The following TTC28 variants were observed in gnomAD, a reference collection of about 807,000 sequenced individuals.
TTC28 encodes tetratricopeptide repeat protein 28.
A neutral mutation model predicts 198.0 loss-of-function variants in TTC28; 61 were observed. The ratio of observed to expected loss-of-function variants is 0.31; its 90% confidence interval spans 0.25 to 0.38. TTC28 has a LOEUF of 0.38. TTC28 is among the 10% of genes least tolerant of loss of function. The probability of loss-of-function intolerance (pLI) is 1.00; values close to 1 mark genes in which losing one functional copy is unlikely to be tolerated. For missense variants in TTC28, 2,678 were observed against 3,164.0 expected, an observed-to-expected ratio of 0.85 and a Z score of 3.69; for synonymous variants, 1,171 against 1,297.8, an observed-to-expected ratio of 0.90 and a Z score of 2.10.
At chr22:28,279,152 A>G (rs1272224623) in intron 5 of TTC28, among the ~76,000 whole-genome samples, 1 of 152,220 alleles carries the variant, frequency 6.6e-6, no homozygotes, top group Non-Finnish European at 1.5e-5. Flanking sequence ...CCATAGTAAG[A>G]TTCTACAACT....
chr22:28,644,811 A>C (rs1439535899), intron 1 of TTC28, among the ~76,000 whole-genome samples: 1 of 152,150 alleles, frequency 6.6e-6, no homozygotes, highest in African/African-American at 2.4e-5. Flanking sequence ...CAACAAAGTG[A>C]GAACCTGTCT....
chr22:28,519,938 T>C (rs1028085136), intron 2 of TTC28, among the ~76,000 whole-genome samples: 1 of 152,206 alleles, frequency 6.6e-6, no homozygotes, highest in Non-Finnish European at 1.5e-5. Flanking sequence ...ACACAATTTG[T>C]GAGCTTTACA....
intron 2 of TTC28, among the ~76,000 whole-genome samples, chr22:28,340,059 T>C (rs1035957774): frequency 1.1e-4 from 17 of 152,172 alleles, no homozygotes; most frequent in African/African-American, 3.6e-4. Context: ...TTCTAACCTC[T>C]AGTTCAATCA....
rs544203781 is a variant in TTC28 at position 28,347,669 on chromosome 22, C to G, written c.382-41026G>C. ...GGTGGATCACTTGATGTCAGGAGTT[C>G]GAGACCAGCCTGGCCAACATGGTGA... is the stretch of plus-strand genomic sequence containing the variant. On this transcript the variant is annotated intron_variant, in intron 2 of 22. Transcript: ENST00000397906. Among the ~76,000 whole-genome samples the G allele has an allele frequency of 2.0e-5, 3 of 152,180 alleles. No homozygotes were observed. The East Asian group carries it at 5.8e-4, about 30-fold the overall frequency.
chr22:28,161,034 T>C (rs527453881), intron 6 of TTC28, among the ~76,000 whole-genome samples: 47 of 152,152 alleles, frequency 3.1e-4, no homozygotes, highest in Non-Finnish European at 5.0e-4. Context: ...AACTCAGCCA[T>C]GAAGAGATCA....
intron 2 of TTC28, among the ~76,000 whole-genome samples, chr22:28,587,740 C>T (rs537264445): frequency 2.0e-5 from 3 of 152,222 alleles, no homozygotes; most frequent in Admixed American, 1.3e-4. Flanking sequence ...AGCCACCATG[C>T]CTGGCCTCAA....
intron 5 of TTC28, among the ~76,000 whole-genome samples, chr22:28,193,747 T>C (rs1925116358): frequency 6.6e-6 from 1 of 152,276 alleles, no homozygotes; most frequent in Non-Finnish European, 1.5e-5. Flanking sequence ...CTATCCTAAA[T>C]ATATATGCAC....
chr22:28,503,955 A>C (rs1359248935), intron 2 of TTC28, among the ~76,000 whole-genome samples: 1 of 152,244 alleles, frequency 6.6e-6, no homozygotes, highest in Non-Finnish European at 1.5e-5. Context: ...CAGCTAAAGA[A>C]TGGATCAATA....
intron 2 of TTC28, among the ~76,000 whole-genome samples, chr22:28,466,615 A>G (rs1325891640): frequency 6.6e-6 from 1 of 152,094 alleles, no homozygotes; most frequent in South Asian, 2.1e-4. Context: ...TACATCTCTA[A>G]TTTGCTCATA....
At chr22:28,148,224 T>C (rs1054687318) in intron 6 of TTC28, among the ~76,000 whole-genome samples, 10 of 151,942 alleles carry the variant, frequency 6.6e-5, no homozygotes, top group African/African-American at 2.4e-4. Flanking sequence ...CTGTAAGGAG[T>C]AAAATTAAAA....
chr22:28,107,163 C>A lies in TTC28; in HGVS notation c.2682G>T (p.Glu894Asp). ...ATTGTTCATAGTATTTGATAGCTTC[C>A]TCATAGTCACCCAGGGCTTCGTAGC... ...GDCYEALGDY[E>D]EAIKYYEQYL... The change falls in exon 7 of 23, where the codon GAG (glutamate) becomes GAT (aspartate). Residue 894 changes from glutamate (E) to aspartate (D), a missense_variant. Around this residue, in one of 8 missense-constraint regions of TTC28, gnomAD observed 775 missense variants for 845.9 expected, o/e 0.92. Coordinates refer to ENST00000397906, the MANE Select transcript of TTC28 (RefSeq NM_001145418.2). 1 of 1,551,716 alleles carries A rather than the reference C, an allele frequency of 6.4e-7. No homozygotes were observed. The highest frequency in any genetic ancestry group is 8.7e-7 in the Non-Finnish European group (1 of 1,146,994).
At chr22:28,632,451 G>A (rs1273864577) in intron 1 of TTC28, among the ~76,000 whole-genome samples, 2 of 151,364 alleles carry the variant, frequency 1.3e-5, no homozygotes, top group East Asian at 3.9e-4. Context: ...TCACATACTG[G>A]AAGTGGCCAA....
chr22:28,417,936 T>C (rs1392570536), intron 2 of TTC28, among the ~76,000 whole-genome samples: 3 of 152,186 alleles, frequency 2.0e-5, no homozygotes, highest in Non-Finnish European at 4.4e-5. Context: ...TTCTCTAAAA[T>C]ACAGCCAACT....
At chr22:28,624,210 C>G (rs2051042490) in intron 2 of TTC28, among the ~76,000 whole-genome samples, 1 of 152,030 alleles carries the variant, frequency 6.6e-6, no homozygotes. Flanking sequence ...AACCCTGTCT[C>G]TACTAAAAAT....
chr22:28,458,862 C>A (rs1361804844), intron 2 of TTC28, among the ~76,000 whole-genome samples: 6 of 145,580 alleles, frequency 4.1e-5, no homozygotes, highest in Non-Finnish European at 7.5e-5. Context: ...GCCTGGGTGA[C>A]AGAGCGAGAC....
rs530540118 is a variant in TTC28, at chr22:28,560,645, G to A, written c.381+68907C>T. 2.0e-5 allele frequency among the ~76,000 whole-genome samples: 3 copies of A among 152,086 alleles called. No individual in the cohort carries two copies. In the South Asian group the frequency reaches 6.3e-4, roughly 32 times the overall value. ...ATGACTCACTTCCTTACTTCATTCA[G>A]GTCTCTGCTCAAATGTTACCTAATC... On this transcript the variant is annotated intron_variant, in intron 2 of 22. Coordinates refer to ENST00000397906, the MANE Select transcript of TTC28 (RefSeq NM_001145418.2).
At chr22:28,273,672 C>T (rs1483057494) in intron 5 of TTC28, among the ~76,000 whole-genome samples, 1 of 152,014 alleles carries the variant, frequency 6.6e-6, no homozygotes, top group African/African-American at 2.4e-5. Flanking sequence ...AGAAATGGAG[C>T]TGAAGCAGTA....
At chr22:28,325,428 C>T (rs907274480) in intron 2 of TTC28, among the ~76,000 whole-genome samples, 5 of 151,906 alleles carry the variant, frequency 3.3e-5, no homozygotes, top group African/African-American at 9.7e-5. Flanking sequence ...CCTCATCACA[C>T]TAAATGAAAA....
At chr22:28,456,245 G>A (rs927709322) in intron 2 of TTC28, among the ~76,000 whole-genome samples, 7 of 151,700 alleles carry the variant, frequency 4.6e-5, no homozygotes, top group African/African-American at 1.2e-4. Flanking sequence ...TGTATAATCC[G>A]ATCCCATTTA....
Sources: allele counts gnomAD v4.1 joint callset (sites outside exome capture counted in the v4.1 genomes callset), GRCh38; gene constraint gnomAD v4.1.1; regional missense constraint gnomAD v4.1.1; transcripts MANE v1.5; gene names NCBI Gene and HGNC (gene_info 2026-07-23, HGNC 2026-07-21).